The following RBPJ variants were observed in gnomAD, a reference collection of about 807,000 sequenced individuals.
RBPJ encodes recombining binding protein suppressor of hairless.
In RBPJ, 9 loss-of-function variants were observed where a neutral mutation model predicts 67.8. The ratio of observed to expected loss-of-function variants is 0.13; its 90% CI spans 0.08 to 0.23. The LOEUF is 0.23. RBPJ is among the 10% of genes least tolerant of loss of function. The probability of loss-of-function intolerance (pLI) is 1.00; values close to 1 mark genes in which losing one functional copy is unlikely to be tolerated. For missense variants in RBPJ, 305 were observed against 595.6 expected (o/e 0.51, Z 5.08); for synonymous variants, 198 against 203.3 (o/e 0.97, Z 0.22).
intron 1 of RBPJ, among the ~76,000 whole-genome samples, chr4:26,270,670 T>A (rs946689949): frequency 1.3e-5 from 2 of 150,880 alleles, no homozygotes; most frequent in Non-Finnish European, 3.0e-5. Flanking sequence ...GTGTACTTCA[T>A]CCCCCTTGAT....
intron 1 of RBPJ, among the ~76,000 whole-genome samples, chr4:26,328,068 T>A (rs1234047918): frequency 1.3e-5 from 2 of 152,074 alleles, no homozygotes; most frequent in Non-Finnish European, 2.9e-5. Flanking sequence ...AAACTGCAGA[T>A]CTGCAAAGAT....
intron 1 of RBPJ, among the ~76,000 whole-genome samples, chr4:26,196,323 CA>C (rs1215738000): frequency 2.0e-5 from 3 of 152,124 alleles, no homozygotes; most frequent in Admixed American, 2.0e-4. Context: ...ATGGAAGAAG[CA>C]AGTTGTCAAA....
the RBPJ span, among the ~76,000 whole-genome samples, chr4:26,138,351 C>T: frequency 6.8e-6 from 1 of 146,700 alleles, no homozygotes; most frequent in African/African-American, 2.5e-5. Context: ...CTGTCCGATG[C>T]TGGGGCCTCT....
intron 1 of RBPJ, among the ~76,000 whole-genome samples, chr4:26,251,386 A>G (rs1000472814): frequency 1.3e-5 from 2 of 152,170 alleles, no homozygotes; most frequent in Non-Finnish European, 2.9e-5. Context: ...CTGTAATCCC[A>G]GCCCCATGGG....
At chr4:26,275,796 A>C (rs1721059310) in intron 1 of RBPJ, among the ~76,000 whole-genome samples, 1 of 151,836 alleles carries the variant, frequency 6.6e-6, no homozygotes, top group African/African-American at 2.4e-5. Context: ...ACACCCAGCT[A>C]CTTTTTTGTA....
intron 1 of RBPJ, among the ~76,000 whole-genome samples, chr4:26,213,899 C>T (rs1366425011): frequency 2.0e-5 from 3 of 152,034 alleles, no homozygotes; most frequent in African/African-American, 4.8e-5. Context: ...AAAATAGATT[C>T]GACAGGATTT....
rs755331414 is a variant in RBPJ, at chr4:26,428,776, A to G, written c.804A>G (p.Ser268=). The change falls in exon 8 of 11, where the codon TCA becomes TCG. Residue 268 remains serine, a synonymous_variant. Coordinates refer to ENST00000355476, the MANE Select transcript of RBPJ (RefSeq NM_015874.6). ...TATTGGATGCAGATGATCCTGTGTCACAACTCCATAAATGTGCATTTTACC... is the reference window on the plus strand; with the variant it reads ...TATTGGATGCAGATGATCCTGTGTCGCAACTCCATAAATGTGCATTTTACC... ...TALLDADDPV[S]QLHKCAFYLK... 6.2e-7 allele frequency: 1 copy of G among 1,608,324 alleles called. No individual in the cohort carries two copies. The highest frequency in any genetic ancestry group is 8.5e-7 in the Non-Finnish European group (1 of 1,175,050).
rs973057894 is a variant in RBPJ at position 26,297,705 on chromosome 4, AAAAG to A, written c.-166-64733_-166-64730del. On this transcript the variant is annotated intron_variant, in intron 1 of 4. Transcript: ENST00000512351. ...AGAAAATTATAATTTATCAAAGAAA[AAAAG>A]AAAGAAAAAGAAAAAAGAAAATTTT... 2.0e-5 allele frequency among the ~76,000 whole-genome samples: 3 copies of A among 152,112 alleles called. 1 individual carries two copies. The highest frequency in any genetic ancestry group is 4.1e-4 in the South Asian group (2 of 4,830).
chr4:26,388,158 A>G (rs1178958457), intron 2 of RBPJ, among the ~76,000 whole-genome samples: 2 of 152,018 alleles, frequency 1.3e-5, no homozygotes, highest in African/African-American at 4.8e-5. Flanking sequence ...TTAAAACAGT[A>G]AATTTTTTTT....
At chr4:26,183,988 G>A (rs1267826348) in intron 1 of RBPJ, among the ~76,000 whole-genome samples, 1 of 151,878 alleles carries the variant, frequency 6.6e-6, no homozygotes, top group African/African-American at 2.4e-5. Flanking sequence ...CTCCAGCCTG[G>A]GCGACAGAAC....
chr4:26,340,543 A>G (rs927666285), intron 1 of RBPJ, among the ~76,000 whole-genome samples: 1 of 152,158 alleles, frequency 6.6e-6, no homozygotes, highest in Non-Finnish European at 1.5e-5. Flanking sequence ...TTCAAGGTAG[A>G]GATGATGCTG....
At chr4:26,320,730 A>G, upstream of RBPJ, 1 of 1,549,992 alleles carries the variant, frequency 6.5e-7, no homozygotes, top group Admixed American at 2.0e-5. Flanking sequence ...AGCGCGTCCT[A>G]AAACCCGGAT....
intron 1 of RBPJ, among the ~76,000 whole-genome samples, chr4:26,332,373 G>GGT (rs1553864226): frequency 6.6e-6 from 1 of 151,958 alleles, no homozygotes; most frequent in Non-Finnish European, 1.5e-5. Flanking sequence ...CAGTTTCTTA[G>GGT]GTACCCTAAG....
rs1736248407 is a variant in RBPJ, at chr4:26,431,644, A to G, written c.*637A>G. 1 of 149,772 alleles carries G rather than the reference A, an allele frequency of 6.7e-6. No individual in the cohort carries two copies. Among genetic ancestry groups the G allele is most frequent in the African/African-American group, 2.5e-5 (1 of 40,570 alleles). The allele number at this position is 149,772 out of a possible 1,614,324, so 9.3% of individuals were successfully genotyped here. A position where few individuals can be genotyped will look rare whatever the true frequency, so the allele number is the denominator to read the frequency against. The stretch of plus-strand genomic sequence containing the variant: ...TTCAGCTGAAGTCTTATGACTTTTC[A>G]TGAGTCAAAATTGTTTGGATTTCAG... On this transcript the variant is annotated 3_prime_UTR_variant, in exon 11 of 11. Coordinates refer to ENST00000355476, the MANE Select transcript of RBPJ (RefSeq NM_015874.6).
At chr4:26,174,329 A>T (rs577733435) in intron 1 of RBPJ, among the ~76,000 whole-genome samples, 1 of 152,320 alleles carries the variant, frequency 6.6e-6, no homozygotes, top group South Asian at 2.1e-4. Context: ...GGTGACTGAC[A>T]CGGCGTAAAT....
intron 1 of RBPJ, among the ~76,000 whole-genome samples, chr4:26,166,241 G>A (rs1210143764): frequency 7.5e-6 from 1 of 133,862 alleles, no homozygotes; most frequent in Non-Finnish European, 1.6e-5. Flanking sequence ...CCAGTAATGG[G>A]ATGGCTGGGT....
chr4:26,280,344 C>T (rs764109579), intron 1 of RBPJ, among the ~76,000 whole-genome samples: 10 of 147,810 alleles, frequency 6.8e-5, no homozygotes, highest in Non-Finnish European at 1.0e-4. Context: ...TGCAGTGAGC[C>T]GAGATGACAA....
At chr4:26,300,271 T>C (rs1410306134) in intron 1 of RBPJ, among the ~76,000 whole-genome samples, 1 of 152,072 alleles carries the variant, frequency 6.6e-6, no homozygotes, top group African/African-American at 2.4e-5. Flanking sequence ...GTGGTCTTGA[T>C]GATAAATGTT....
intron 1 of RBPJ, among the ~76,000 whole-genome samples, chr4:26,214,130 G>A (rs1281113655): frequency 6.6e-6 from 1 of 151,022 alleles, no homozygotes; most frequent in Non-Finnish European, 1.5e-5. Flanking sequence ...AGGAAGGATG[G>A]ATGGAAGGAA....
Sources: allele counts gnomAD v4.1 joint callset (sites outside exome capture counted in the v4.1 genomes callset), GRCh38; gene constraint gnomAD v4.1.1; transcripts MANE v1.5; gene names NCBI Gene and HGNC (gene_info 2026-07-23, HGNC 2026-07-21).